The following PRH1 variants were observed in gnomAD, a reference collection of about 807,000 sequenced individuals.
The protein encoded by PRH1 is proline rich protein HaeIII subfamily 1.
A neutral mutation model predicts 7.9 loss-of-function variants in PRH1; 7 were observed. That is an observed-to-expected ratio of 0.89 (90% CI 0.50 to 1.67). PRH1 has a LOEUF of 1.67. PRH1 is among the 40% of genes most tolerant of loss of function. The pLI is 0.00. For synonymous variants in PRH1, 45 were observed against 80.8 expected, an observed-to-expected ratio of 0.56 and a Z score of 2.38; for missense variants, 109 against 223.6, an observed-to-expected ratio of 0.49 and a Z score of 3.27.
chr12:11,110,270 C>T lies in PRH1; in HGVS notation n.123+61152G>A, dbSNP rs528932333. ...TCAGGATATTATCCAGGAGAACTTA[C>T]CCAACTTAGCAAGACTGGCCAACAT... On this transcript the variant is annotated intron_variant and non_coding_transcript_variant, in intron 1 of 4. Transcript: ENST00000541977. Among the ~76,000 whole-genome samples, 13 of 152,220 alleles carry T rather than the reference C, an allele frequency of 8.5e-5. No individual in the cohort carries two copies. In the East Asian group the frequency reaches 1.5e-3, roughly 18 times the overall value.
At chr12:11,123,447 C>T (rs1233584376) in intron 1 of PRH1, among the ~76,000 whole-genome samples, 2 of 152,112 alleles carry the variant, frequency 1.3e-5, no homozygotes, top group African/African-American at 4.8e-5. Flanking sequence ...TATCTCCAGT[C>T]TCTTTATTGC....
chr12:11,032,260 A>AAT (rs1269575940), intron 1 of PRH1, among the ~76,000 whole-genome samples: 2 of 152,162 alleles, frequency 1.3e-5, no homozygotes, highest in African/African-American at 2.4e-5. Context: ...TTTGTAACTC[A>AAT]ATATATATAT....
intron 1 of PRH1, among the ~76,000 whole-genome samples, chr12:11,083,452 AT>A (rs1944561339): frequency 6.6e-6 from 1 of 152,264 alleles, no homozygotes; most frequent in Admixed American, 6.5e-5. Context: ...CTATAAGAAT[AT>A]GTTTTTTCAG....
chr12:11,165,917 G>T (rs1324565613), intron 1 of PRH1, among the ~76,000 whole-genome samples: 1 of 152,194 alleles, frequency 6.6e-6, no homozygotes, highest in Non-Finnish European at 1.5e-5. Context: ...TCCCAGTATA[G>T]TGGCATTGCT....
intron 1 of PRH1, among the ~76,000 whole-genome samples, chr12:10,982,307 C>T (rs141053822): frequency 4.5e-4 from 69 of 152,270 alleles, no homozygotes; most frequent in African/African-American, 1.5e-3. Flanking sequence ...TTCCAGGGGG[C>T]GGTCGTCCAT....
At chr12:11,128,474 G>A (rs760694192) in intron 1 of PRH1, among the ~76,000 whole-genome samples, 4 of 152,122 alleles carry the variant, frequency 2.6e-5, no homozygotes, top group Non-Finnish European at 5.9e-5. Context: ...AGCGGGCGCA[G>A]TGGCTCATGG....
In PRH1 at chr12:11,036,068, T is replaced by C. The variant is rs1327358943; in HGVS notation, c.-126+10952A>G. On this transcript the variant is annotated intron_variant, in intron 1 of 3. Transcript: ENST00000539853. ...GCCACAACGCCTGGCTAATTTTTTG[T>C]ATTTTTAGTAGAGACAGGGTTTTAC... 4.6e-5 allele frequency among the ~76,000 whole-genome samples: 7 copies of C among 152,186 alleles called. No individual in the cohort carries two copies. The South Asian group carries it at 1.4e-3, about 32-fold the overall frequency.
rs112837036 is a variant in PRH1, at chr12:10,906,550, T to C, written c.-58-22275A>G. Among the ~76,000 whole-genome samples the C allele has an allele frequency of 1.5e-4, 23 of 152,308 alleles. 1 individual carries two copies. Among genetic ancestry groups the C allele is most frequent in the African/African-American group, 4.8e-4 (20 of 41,590 alleles). On this transcript the variant is annotated intron_variant, in intron 2 of 3. Transcript: ENST00000539853. ...TCATCTTGAATTGTAGCTCCCATAA[T>C]TCCCATGTGTTATGGGAGGGACTCA...
chr12:10,962,719 T>C (rs1938297430), intron 2 of PRH1, among the ~76,000 whole-genome samples: 1 of 152,264 alleles, frequency 6.6e-6, no homozygotes, highest in Non-Finnish European at 1.5e-5. Context: ...TTATGTGATC[T>C]TTTAGGTCCT....
intron 1 of PRH1, among the ~76,000 whole-genome samples, chr12:10,977,450 C>T (rs574195300): frequency 1.3e-5 from 2 of 152,118 alleles, no homozygotes; most frequent in Non-Finnish European, 2.9e-5. Flanking sequence ...CAAACAAAGC[C>T]ACATCATACC....
intron 1 of PRH1, among the ~76,000 whole-genome samples, chr12:11,033,366 AAAAACAAAAC>A (rs77949516): frequency 0.22 from 33,864 of 151,058 alleles, 3,821 homozygotes; most frequent in Non-Finnish European, 0.24. Flanking sequence ...GACTCTGTCA[AAAAACAAAAC>A]AAAACAAAAC....
In PRH1 at chr12:11,106,226, C is replaced by T. The variant is rs1288012701; in HGVS notation, n.124-59038G>A. Reference sequence around the variant, plus strand: ...AAGTGCTGGGATTACAGGCGTGAGCCACCGCGCCCGGCCATAACTTATTCT... The same window carrying T: ...AAGTGCTGGGATTACAGGCGTGAGCTACCGCGCCCGGCCATAACTTATTCT... On this transcript the variant is annotated intron_variant and non_coding_transcript_variant, in intron 1 of 4. Transcript: ENST00000541977. Among the ~76,000 whole-genome samples, 5 of 46,664 alleles carry T rather than the reference C, an allele frequency of 1.1e-4. 1 individual carries two copies. Among genetic ancestry groups the T allele is most frequent in the Admixed American group, 2.1e-4 (1 of 4,750 alleles). 30.6% of individuals were successfully genotyped at this position (46,664 alleles called of 152,430 possible).
rs142026602 is a variant in PRH1, at chr12:10,898,332, A to C, written c.-58-14057T>G. On this transcript the variant is annotated intron_variant, in intron 2 of 3. Transcript: ENST00000539853. ...TGAATGAGTTGGACAGCCCACCAAAAGATACACCCTAGGTAAATTCACAAA... is the reference window on the plus strand; with the variant it reads ...TGAATGAGTTGGACAGCCCACCAAACGATACACCCTAGGTAAATTCACAAA... Among the ~76,000 whole-genome samples, 500 of 152,334 alleles carry C rather than the reference A, an allele frequency of 3.3e-3. 1 individual carries two copies. The highest frequency in any genetic ancestry group is 0.012 in the African/African-American group (484 of 41,572).
intron 1 of PRH1, among the ~76,000 whole-genome samples, chr12:11,105,316 T>C (rs943777955): frequency 6.6e-6 from 1 of 152,172 alleles, no homozygotes; most frequent in Non-Finnish European, 1.5e-5. Context: ...TGTCTGAATT[T>C]TTTTAAAGGC....
upstream of PRH1, chr12:11,049,080 A>C (rs1256488254): frequency 8.7e-6 from 3 of 343,552 alleles, no homozygotes; most frequent in Non-Finnish European, 1.7e-5. Flanking sequence ...TATGACCCAG[A>C]GTAAACCAAC....
Position 11,097,823 on chromosome 12 carries a change from C to T in PRH1, n.124-50635G>A, listed in dbSNP as rs1208828998. 1.8e-5 allele frequency among the ~76,000 whole-genome samples: 2 copies of T among 112,672 alleles called. 1 individual carries two copies. The highest frequency in any genetic ancestry group is 4.2e-5 in the Non-Finnish European group (2 of 47,612). The allele number at this position is 112,672 out of a possible 152,430, so 73.9% of individuals were successfully genotyped here. A position where few individuals can be genotyped will look rare whatever the true frequency, so the allele number is the denominator to read the frequency against. On this transcript the variant is annotated intron_variant and non_coding_transcript_variant, in intron 1 of 4. Transcript: ENST00000541977. Reference sequence around the variant, plus strand: ...TCAGGCTTGTTTCTAAGTACTGGAGCTCAGCGTGATGAGAGAACACTATTA... The same window carrying T: ...TCAGGCTTGTTTCTAAGTACTGGAGTTCAGCGTGATGAGAGAACACTATTA...
chr12:11,073,060 G>A lies in PRH1; in HGVS notation n.124-25872C>T, dbSNP rs1320670477. On this transcript the variant is annotated intron_variant and non_coding_transcript_variant, in intron 1 of 4. Transcript: ENST00000541977. ...AAAGAGATACACCTGATAATATTTG[G>A]AAACCTGCAACATAGATATTGTTTT... Among the ~76,000 whole-genome samples the A allele has an allele frequency of 1.5e-5, 2 of 130,524 alleles. 1 individual carries two copies. The highest frequency in any genetic ancestry group is 3.5e-5 in the Non-Finnish European group (2 of 57,006). The allele number at this position is 130,524 out of a possible 152,430, so 85.6% of individuals were successfully genotyped here.
chr12:11,047,230 G>A, upstream of PRH1: 1 of 327,530 alleles, frequency 3.1e-6, no homozygotes, highest in Non-Finnish European at 6.4e-6. Context: ...AGATGCTTGA[G>A]GAGCCTCAGC....
intron 1 of PRH1, among the ~76,000 whole-genome samples, chr12:11,157,122 C>T (rs1264734440): frequency 6.6e-6 from 1 of 152,044 alleles, no homozygotes; most frequent in Non-Finnish European, 1.5e-5. Flanking sequence ...CTGGGATTAC[C>T]CACACTTTGG....
Sources: gnomAD v4.1 joint callset for allele counts (sites outside exome capture counted in the v4.1 genomes callset) on GRCh38, gnomAD v4.1.1 for gene constraint, MANE v1.5 for transcripts, NCBI Gene and HGNC (gene_info 2026-07-23, HGNC 2026-07-21) for gene names.